The following VWA8 variants were observed in gnomAD, a reference collection of about 807,000 sequenced individuals.
VWA8 encodes the protein von Willebrand factor A domain containing 8, also known as von Willebrand factor A domain-containing protein 8.
In VWA8, 221 loss-of-function variants were observed where a neutral mutation model predicts 241.5. The observed-to-expected ratio is 0.91, with a 90% CI of 0.82 to 1.02. VWA8 has a LOEUF of 1.02. Among genes scored for constraint, VWA8 ranks in the 50% least tolerant of loss-of-function variants. VWA8 has a pLI of 0.00. For synonymous variants in VWA8, 852 were observed against 827.1 expected, an observed-to-expected ratio of 1.03 and a Z score of -0.52; for missense variants, 2,322 against 2,328.7, an observed-to-expected ratio of 1.00 and a Z score of 0.06.
intron 20 of VWA8, among the ~76,000 whole-genome samples, chr13:41,765,459 A>C (rs1263701821): frequency 2.6e-5 from 4 of 152,240 alleles, no homozygotes; most frequent in Non-Finnish European, 4.4e-5. Context: ...CTTTGAGGAA[A>C]TGCTGAAAGC....
chr13:41,917,656 G>C (rs745361242), intron 2 of VWA8, among the ~76,000 whole-genome samples: 1 of 152,162 alleles, frequency 6.6e-6, no homozygotes, highest in African/African-American at 2.4e-5. Flanking sequence ...TGGACACCAG[G>C]CTGTATAGTG....
chr13:41,612,058 G>T (rs933931777), intron 38 of VWA8, among the ~76,000 whole-genome samples: 1 of 151,744 alleles, frequency 6.6e-6, no homozygotes, highest in African/African-American at 2.4e-5. Context: ...CTATATGATG[G>T]ATGAGATATT....
At chr13:41,642,071 T>C (rs2044799017) in intron 37 of VWA8, among the ~76,000 whole-genome samples, 1 of 152,188 alleles carries the variant, frequency 6.6e-6, no homozygotes. Flanking sequence ...AATTATATGA[T>C]CACCCTATAA....
Position 41,573,486 on chromosome 13 carries a change from A to AAATAAATAAATATAT in VWA8, c.5370+2253_5370+2254insATATATTTATTTATT. 9.5e-4 allele frequency among the ~76,000 whole-genome samples: 108 copies of AAATAAATAAATATAT among 113,598 alleles called. 1 individual carries two copies. Among genetic ancestry groups the AAATAAATAAATATAT allele is most frequent in the African/African-American group, 3.1e-3 (91 of 29,194 alleles). 74.5% of individuals were successfully genotyped at this position (113,598 alleles called of 152,430 possible). The stretch of plus-strand genomic sequence containing the variant: ...GGTGGCTATAGTTTAAAAAAAAAAA[A>AAATAAATAAATATAT]ATATATATATATATATATATACCTC... On this transcript the variant is annotated intron_variant, in intron 43 of 44. Coordinates refer to ENST00000379310, the MANE Select transcript of VWA8 (RefSeq NM_015058.2).
chr13:41,892,699 T>C (rs375086310), intron 4 of VWA8, among the ~76,000 whole-genome samples: 6 of 152,300 alleles, frequency 3.9e-5, no homozygotes, highest in African/African-American at 1.4e-4. Context: ...TCAGGTCCCT[T>C]GTACAAAACT....
intron 4 of VWA8, among the ~76,000 whole-genome samples, chr13:41,893,993 TATC>T (rs1404943707): frequency 1.8e-4 from 27 of 152,362 alleles, no homozygotes; most frequent in African/African-American, 6.5e-4. Context: ...AATTAATTGT[TATC>T]ATAATCTAGG....
intron 2 of VWA8, among the ~76,000 whole-genome samples, chr13:41,923,194 C>T (rs1876643732): frequency 6.6e-6 from 1 of 152,130 alleles, no homozygotes; most frequent in South Asian, 2.1e-4. Context: ...GACAGAAAAA[C>T]AAACACCGCA....
intron 4 of VWA8, among the ~76,000 whole-genome samples, chr13:41,900,076 C>T (rs2138096950): frequency 6.6e-6 from 1 of 152,288 alleles, no homozygotes; most frequent in East Asian, 1.9e-4. Context: ...TGCAACCACT[C>T]AGTTAAAAGA....
intron 2 of VWA8, among the ~76,000 whole-genome samples, chr13:41,915,787 A>C (rs905439844): frequency 8.5e-5 from 13 of 152,224 alleles, no homozygotes; most frequent in African/African-American, 2.9e-4. Flanking sequence ...AATACATATA[A>C]GCTACTTCTG....
At chr13:41,759,704 T>C (rs1301815259) in intron 21 of VWA8, among the ~76,000 whole-genome samples, 1 of 151,786 alleles carries the variant, frequency 6.6e-6, no homozygotes, top group African/African-American at 2.4e-5. Flanking sequence ...TATCCTGTCA[T>C]TTTTAGTCTA....
chr13:41,827,795 A>G (rs73185303), intron 14 of VWA8, among the ~76,000 whole-genome samples: 2,129 of 152,294 alleles, frequency 0.014, 14 homozygotes, highest in East Asian at 0.02. Context: ...AAATTCCTGA[A>G]AGTATTTTCA....
At chr13:41,761,929 T>C (rs2045743595) in intron 20 of VWA8, among the ~76,000 whole-genome samples, 1 of 152,002 alleles carries the variant, frequency 6.6e-6, no homozygotes, top group Non-Finnish European at 1.5e-5. Context: ...GTAAATCTTT[T>C]AACAAGCAGG....
chr13:41,886,122 A>G (rs1874523050), intron 7 of VWA8, 94 bp from the exon 8 acceptor site: 1 of 813,436 alleles, frequency 1.2e-6, no homozygotes, highest in Admixed American at 3.3e-5. Context: ...TAATTAATCT[A>G]AAAAAGATCC....
chr13:41,848,641 G>A (rs1872392276), intron 12 of VWA8, among the ~76,000 whole-genome samples: 6 of 152,172 alleles, frequency 3.9e-5, no homozygotes, highest in Admixed American at 3.3e-4. Flanking sequence ...CTTCTGCCAT[G>A]ATTGTAAGTT....
At position 41,799,188 on chromosome 13, in the gene VWA8, C is replaced by G. The variant is rs1421096502; in HGVS notation, c.2064-11645G>C. 6.1e-4 allele frequency among the ~76,000 whole-genome samples: 93 copies of G among 151,930 alleles called. 1 individual carries two copies. Among genetic ancestry groups the G allele is most frequent in the Non-Finnish European group, 1.8e-4 (12 of 67,990 alleles). ...TGCCAAATCTCTTATGGTTTTTTCCCCCTAGATATGGTTTATTACTTTTTA... is the reference window on the plus strand; with the variant it reads ...TGCCAAATCTCTTATGGTTTTTTCCGCCTAGATATGGTTTATTACTTTTTA... On this transcript the variant is annotated intron_variant, in intron 17 of 44. Coordinates refer to ENST00000379310, the MANE Select transcript of VWA8 (RefSeq NM_015058.2).
intron 36 of VWA8, among the ~76,000 whole-genome samples, chr13:41,672,023 C>T (rs1174361068): frequency 6.6e-6 from 1 of 152,116 alleles, no homozygotes; most frequent in East Asian, 1.9e-4. Flanking sequence ...TCCTGTATTT[C>T]CTGACAGTGG....
intron 26 of VWA8, among the ~76,000 whole-genome samples, chr13:41,718,783 C>T (rs2045363246): frequency 6.6e-6 from 1 of 151,448 alleles, no homozygotes; most frequent in South Asian, 2.1e-4. Context: ...ATATTTAACA[C>T]ATTTTTTTCT....
chr13:41,959,503 A>C (rs1044932808), intron 1 of VWA8, among the ~76,000 whole-genome samples: 2 of 150,978 alleles, frequency 1.3e-5, no homozygotes, highest in Admixed American at 6.6e-5. Context: ...CAAAAAAAAA[A>C]AAAAAAACAA....
At chr13:41,747,789 T>C (rs1437074997) in intron 21 of VWA8, among the ~76,000 whole-genome samples, 1 of 152,226 alleles carries the variant, frequency 6.6e-6, no homozygotes, top group Non-Finnish European at 1.5e-5. Context: ...CCTAATTTAT[T>C]GAGAGTTTTT....
Sources: allele counts gnomAD v4.1 joint callset (sites outside exome capture counted in the v4.1 genomes callset), GRCh38; gene constraint gnomAD v4.1.1; transcripts MANE v1.5; gene names NCBI Gene and HGNC (gene_info 2026-07-23, HGNC 2026-07-21).